The following HPSE2 variants were observed in gnomAD, a reference collection of about 807,000 sequenced individuals.
The protein encoded by HPSE2 is inactive heparanase-2.
HPSE2 carries 38 observed loss-of-function variants against 60.5 expected under a neutral mutation model. That is an observed-to-expected ratio of 0.63 (90% CI 0.48 to 0.82). The LOEUF is 0.82. Ranked by LOEUF, HPSE2 falls within the 40% of genes least tolerant of loss-of-function variation. The pLI, the probability that HPSE2 is intolerant of heterozygous loss-of-function variation, is 0.00. For missense variants in HPSE2, 713 were observed against 740.4 expected, an observed-to-expected ratio of 0.96 and a Z score of 0.43; for synonymous variants, 295 against 293.2, an observed-to-expected ratio of 1.01 and a Z score of -0.06.
Position 98,690,749 on chromosome 10 carries a change from C to T in HPSE2, c.1004+3151G>A, listed in dbSNP as rs149929723. Among the ~76,000 whole-genome samples the T allele has an allele frequency of 7.5e-3, 1,135 of 152,038 alleles. 7 individuals are homozygous for T. Among genetic ancestry groups the T allele is most frequent in the Admixed American group, 0.019 (289 of 15,266 alleles). ...GGTTATTATGATACAAGCTACTCCA[C>T]TATACTTGTAATTATACTTTCATCT... On this transcript the variant is annotated intron_variant, in intron 6 of 11. Transcript: ENST00000370552.
intron 3 of HPSE2, among the ~76,000 whole-genome samples, chr10:98,867,926 G>A (rs1952631644): frequency 6.6e-6 from 1 of 152,048 alleles, no homozygotes; most frequent in Non-Finnish European, 1.5e-5. Flanking sequence ...GCCAGGGGTG[G>A]TGGCAGATGC....
chr10:99,232,517 G>C lies in HPSE2; in HGVS notation c.291-12C>G. ...CCAAGCGCTTGGAGCTGCAGAGGAA[G>C]AGAATAAGAGAGGAAAGGTTCCCAG... On this transcript the variant is annotated splice_polypyrimidine_tract_variant and intron_variant, in intron 1 of 11. Coordinates refer to ENST00000370552, the MANE Select transcript of HPSE2 (RefSeq NM_021828.5). 6.4e-7 allele frequency: 1 copy of C among 1,550,992 alleles called. No homozygotes were observed. Among genetic ancestry groups the C allele is most frequent in the Non-Finnish European group, 8.7e-7 (1 of 1,147,566 alleles).
At chr10:99,071,364 C>T (rs984691987) in intron 3 of HPSE2, among the ~76,000 whole-genome samples, 1 of 152,174 alleles carries the variant, frequency 6.6e-6, no homozygotes, top group Non-Finnish European at 1.5e-5. Flanking sequence ...GCCGCCGTGC[C>T]TGGCCTATTT....
intron 4 of HPSE2, among the ~76,000 whole-genome samples, chr10:98,734,277 C>CT (rs1165338080): frequency 6.6e-6 from 1 of 152,210 alleles, no homozygotes; most frequent in South Asian, 2.1e-4. Flanking sequence ...GTTGTTTCCA[C>CT]TTTTTTTGCT....
chr10:99,184,813 TATATATAGAGAGAGAGAGAGAGAGAG>T (rs1490359987), intron 2 of HPSE2, among the ~76,000 whole-genome samples: 2,087 of 30,782 alleles, frequency 0.068, 80 homozygotes, highest in Middle Eastern at 0.15. Context: ...TATATATATA[TATATATAGAGAGAGAGAGAGAGAGAG>T]AGAGAGAGAG....
intron 3 of HPSE2, among the ~76,000 whole-genome samples, chr10:99,110,040 A>G (rs536780461): frequency 3.8e-4 from 58 of 152,328 alleles, no homozygotes; most frequent in African/African-American, 1.3e-3. Context: ...TTTGTATCAC[A>G]AGCAAACATC....
the HPSE2 span, among the ~76,000 whole-genome samples, chr10:99,261,348 C>G: frequency 2.0e-5 from 3 of 152,194 alleles, no homozygotes; most frequent in Non-Finnish European, 4.4e-5. Context: ...CCTCCTCACA[C>G]CCGGTCCGGC....
intron 3 of HPSE2, among the ~76,000 whole-genome samples, chr10:99,015,972 G>C (rs1379077581): frequency 6.6e-6 from 1 of 152,022 alleles, no homozygotes; most frequent in Admixed American, 6.6e-5. Flanking sequence ...TTGCAAAAAT[G>C]TTCTACCATT....
chr10:98,960,370 C>A (rs187527894), intron 3 of HPSE2, among the ~76,000 whole-genome samples: 1 of 152,020 alleles, frequency 6.6e-6, no homozygotes, highest in Non-Finnish European at 1.5e-5. Flanking sequence ...TTTTTAGTTA[C>A]GGTCTATTTA....
chr10:98,593,870 A>C lies in HPSE2; in HGVS notation c.1320+21034T>G, dbSNP rs1462729232. Among the ~76,000 whole-genome samples the C allele has an allele frequency of 2.0e-5, 3 of 152,204 alleles. No homozygotes were observed. The South Asian group carries it at 6.2e-4, about 32-fold the overall frequency. ...AGGCTCTCATTTCAGGGTAACACAA[A>C]AAATAAAAATGAAAATGAGGTTTGT... On this transcript the variant is annotated intron_variant, in intron 9 of 11. Transcript: ENST00000370552.
intron 3 of HPSE2, among the ~76,000 whole-genome samples, chr10:98,789,087 G>A (rs1950599176): frequency 6.6e-6 from 1 of 152,226 alleles, no homozygotes; most frequent in Non-Finnish European, 1.5e-5. Flanking sequence ...TAGAATGTAA[G>A]CTCCATGAGG....
chr10:98,722,265 AAGG>A (rs1948946167), intron 4 of HPSE2, among the ~76,000 whole-genome samples: 1 of 150,140 alleles, frequency 6.7e-6, no homozygotes, highest in South Asian at 2.2e-4. Context: ...TTATAAGAGA[AAGG>A]AGAAGGAAGT....
At chr10:99,099,034 G>C (rs1843831608) in intron 3 of HPSE2, among the ~76,000 whole-genome samples, 1 of 152,014 alleles carries the variant, frequency 6.6e-6, no homozygotes, top group East Asian at 1.9e-4. Flanking sequence ...GGCCAAATAG[G>C]AACAGCTCCA....
the HPSE2 span, among the ~76,000 whole-genome samples, chr10:99,296,300 C>T: frequency 6.6e-6 from 1 of 152,066 alleles, no homozygotes; most frequent in East Asian, 1.9e-4. Context: ...AGATGCTGAA[C>T]CAGATTGAGG....
chr10:98,944,881 T>C (rs984675681), intron 3 of HPSE2, among the ~76,000 whole-genome samples: 1 of 152,166 alleles, frequency 6.6e-6, no homozygotes, highest in Non-Finnish European at 1.5e-5. Flanking sequence ...AAAGGGTACT[T>C]GAAAGCCAAG....
At chr10:98,589,780 C>T (rs1206962372) in intron 9 of HPSE2, among the ~76,000 whole-genome samples, 1 of 152,250 alleles carries the variant, frequency 6.6e-6, no homozygotes, top group Non-Finnish European at 1.5e-5. Flanking sequence ...TAACTTCACA[C>T]TGTTAACACA....
rs577379001 is a variant in HPSE2 at position 99,047,950 on chromosome 10, G to A, written c.610+96288C>T. The A allele has an allele frequency of 5.4e-6, 4 of 740,072 alleles. No individual in the cohort carries two copies. In the East Asian group the frequency reaches 9.9e-5, roughly 18 times the overall value. 45.8% of individuals were successfully genotyped at this position (740,072 alleles called of 1,614,324 possible). A position where few individuals can be genotyped will look rare whatever the true frequency, so the allele number is the denominator to read the frequency against. On this transcript the variant is annotated intron_variant, in intron 3 of 11. Coordinates refer to ENST00000370552, the MANE Select transcript of HPSE2 (RefSeq NM_021828.5). Reference sequence around the variant, plus strand: ...GAGGTATCGATGGTGTTAGCCCAAAGGTCCGAAAGATGTTTCCGTTTCTTT... The same window carrying A: ...GAGGTATCGATGGTGTTAGCCCAAAAGTCCGAAAGATGTTTCCGTTTCTTT...
At chr10:99,150,137 C>T (rs1236197779) in intron 2 of HPSE2, among the ~76,000 whole-genome samples, 3 of 152,140 alleles carry the variant, frequency 2.0e-5, no homozygotes, top group Non-Finnish European at 2.9e-5. Context: ...GCATCTTGCA[C>T]CAAAGTTGAT....
chr10:99,298,488 CATT>C, the HPSE2 span, among the ~76,000 whole-genome samples: 1 of 152,186 alleles, frequency 6.6e-6, no homozygotes, highest in Non-Finnish European at 1.5e-5. Flanking sequence ...AGTTAGTTCA[CATT>C]ATCAGCCAAA....
Sources: gnomAD v4.1 joint callset for allele counts (sites outside exome capture counted in the v4.1 genomes callset) on GRCh38, gnomAD v4.1.1 for gene constraint, MANE v1.5 for transcripts, NCBI Gene and HGNC (gene_info 2026-07-23, HGNC 2026-07-21) for gene names.